The following BIRC6 variants were observed in gnomAD, a reference collection of about 807,000 sequenced individuals.
BIRC6 encodes baculoviral IAP repeat containing 6.
Under a neutral mutation model 503.3 loss-of-function variants are expected in BIRC6, and 98 were observed. The ratio of observed to expected loss-of-function variants is 0.19; its 90% CI spans 0.17 to 0.23. BIRC6 has a LOEUF of 0.23. Ranked by LOEUF, BIRC6 falls within the 10% of genes least tolerant of loss-of-function variation. The pLI, the probability that BIRC6 is intolerant of heterozygous loss-of-function variation, is 1.00. For missense variants in BIRC6, 5,360 were observed against 5,806.0 expected, an observed-to-expected ratio of 0.92 and a Z score of 2.50; for synonymous variants, 2,240 against 2,078.7, an observed-to-expected ratio of 1.08 and a Z score of -2.11.
At chr2:32,595,348 G>A (rs1179461434) in intron 68 of BIRC6, among the ~76,000 whole-genome samples, 1 of 152,094 alleles carries the variant, frequency 6.6e-6, no homozygotes, top group Non-Finnish European at 1.5e-5. Flanking sequence ...TCAATAGAAG[G>A]ACTGTAAGAG....
intron 55 of BIRC6, among the ~76,000 whole-genome samples, chr2:32,517,949 C>T (rs576631830): frequency 6.6e-6 from 1 of 151,732 alleles, no homozygotes; most frequent in Non-Finnish European, 1.5e-5. Flanking sequence ...CTAAAGTTAA[C>T]GGGAGTTCGT....
Position 32,505,200 on chromosome 2 carries a change from T to C in BIRC6, c.9695T>C (p.Leu3232Pro). 1 of 1,558,026 alleles carries C rather than the reference T, an allele frequency of 6.4e-7. No homozygotes were observed. Among genetic ancestry groups the C allele is most frequent in the Non-Finnish European group, 8.7e-7 (1 of 1,147,600 alleles). ...CATATCCAGCCTCATCTTGCATCTC[T>C]TGCAAGTGAGTAATATTTTATAAAG... ...EIHIQPHLAS[L>P]ATCPSSVSVE... is the part of the protein sequence containing the mutation. The change falls in exon 50 of 74, where the codon CTT becomes CCT. Residue 3232 changes from leucine to proline, a missense_variant. Around this residue, in one of 16 missense-constraint regions of BIRC6, gnomAD observed 267 missense variants for 287.6 expected, o/e 0.93. Transcript: ENST00000421745.
In BIRC6 at chr2:32,510,070, T is replaced by C; in HGVS notation, c.10237+76T>C. The stretch of plus-strand genomic sequence containing the variant: ...CAGTTGAACTGTGCGATCTTCGTGC[T>C]TAACTCTGTTTTGGGAATTATTTTT... On this transcript the variant is annotated intron_variant, in intron 52 of 73. Coordinates refer to ENST00000421745, the MANE Select transcript of BIRC6 (RefSeq NM_016252.4). The C allele has an allele frequency of 2.0e-6, 3 of 1,482,596 alleles. 1 individual carries two copies. The South Asian group carries it at 3.7e-5, about 18-fold the overall frequency. 91.8% of individuals were successfully genotyped at this position (1,482,596 alleles called of 1,614,324 possible).
chr2:32,516,863 ATATTT>A (rs2055106789), intron 55 of BIRC6, among the ~76,000 whole-genome samples: 1 of 152,116 alleles, frequency 6.6e-6, no homozygotes, highest in East Asian at 1.9e-4. Context: ...AGACAGTTAA[ATATTT>A]TAATTTGTGT....
At chr2:32,525,689 CAG>C in intron 59 of BIRC6, 61 bp downstream of exon 59, 2 of 1,496,570 alleles carry the variant, frequency 1.3e-6, no homozygotes, top group Non-Finnish European at 1.8e-6. Context: ...CTATGTAAAT[CAG>C]AGGCACAGTC....
At chr2:32,563,755 G>C (rs1298231631) in intron 65 of BIRC6, 2 of 151,930 alleles carry the variant, frequency 1.3e-5, no homozygotes, top group African/African-American at 4.8e-5. Flanking sequence ...AAGTGAATTT[G>C]ATAATTTTTT....
Position 32,469,404 on chromosome 2 carries a change from T to C in BIRC6, c.6137T>C (p.Val2046Ala). 3.1e-6 allele frequency: 5 copies of C among 1,612,984 alleles called. No homozygotes were observed. The highest frequency in any genetic ancestry group is 4.2e-6 in the Non-Finnish European group (5 of 1,179,468). ...SLLHASNGHS[V>A]PAVLQSTFHA... ...TTCTTTCTTGTAATAGGACACTCTGTTCCTGCAGTTTTGCAGAGCACATTT... is the reference window on the plus strand; with the variant it reads ...TTCTTTCTTGTAATAGGACACTCTGCTCCTGCAGTTTTGCAGAGCACATTT... The change falls in exon 30 of 74, where the codon GTT becomes GCT. Residue 2046 changes from valine to alanine, a missense_variant. Around this residue, in one of 16 missense-constraint regions of BIRC6, gnomAD observed 2,299 missense variants for 2,267.2 expected, o/e 1.01. Coordinates refer to ENST00000421745, the MANE Select transcript of BIRC6 (RefSeq NM_016252.4).
chr2:32,598,257 C>T lies in BIRC6; in HGVS notation c.13830+289C>T, dbSNP rs370415287. Among the ~76,000 whole-genome samples the T allele has an allele frequency of 5.3e-5, 8 of 151,126 alleles. No homozygotes were observed. The East Asian group carries it at 1.4e-3, about 26-fold the overall frequency. ...TAATGTTAGTTCAGAGTGTGTGGATCACGCTGCTGTTGAAAAAAACATTTA... is the reference window on the plus strand; with the variant it reads ...TAATGTTAGTTCAGAGTGTGTGGATTACGCTGCTGTTGAAAAAAACATTTA... On this transcript the variant is annotated intron_variant, in intron 69 of 73. Coordinates refer to ENST00000421745, the MANE Select transcript of BIRC6 (RefSeq NM_016252.4).
At chr2:32,535,672 A>G (rs1172785458) in intron 61 of BIRC6, among the ~76,000 whole-genome samples, 3 of 152,200 alleles carry the variant, frequency 2.0e-5, no homozygotes, top group Non-Finnish European at 4.4e-5. Flanking sequence ...TCCATGGTGT[A>G]TATGTCCCAC....
intron 24 of BIRC6, among the ~76,000 whole-genome samples, 160 bp from the exon 25 acceptor site, chr2:32,464,349 C>G (rs2048306879): frequency 1.3e-5 from 2 of 152,190 alleles, no homozygotes; most frequent in Admixed American, 6.5e-5. Context: ...TATAGCAAAG[C>G]AATGATCCAT....
At chr2:32,452,026 CAG>C (rs1558765114) in intron 22 of BIRC6, among the ~76,000 whole-genome samples, 4 of 152,114 alleles carry the variant, frequency 2.6e-5, no homozygotes, top group Non-Finnish European at 5.9e-5. Context: ...CTTAATGTAA[CAG>C]AGTTTGAGAA....
rs183023054 is a variant in BIRC6, at chr2:32,617,623, T to C, written c.14395-102T>C. On this transcript the variant is annotated intron_variant, in intron 73 of 73. Transcript: ENST00000421745. ...TAAGGAGGGGCTCAGTAAATATTTG[T>C]AGGCTTAATGCTTTGGGCTTTGTTG... is the stretch of plus-strand genomic sequence containing the variant. 1,680 of 1,229,574 alleles carry C rather than the reference T, an allele frequency of 1.4e-3. 5 individuals carry two copies. The highest frequency in any genetic ancestry group is 1.3e-3 in the Non-Finnish European group (1,180 of 905,030). 76.2% of individuals were successfully genotyped at this position (1,229,574 alleles called of 1,614,324 possible). A position where few individuals can be genotyped will look rare whatever the true frequency, so the allele number is the denominator to read the frequency against.
chr2:32,371,273 A>G (rs1319147747), intron 1 of BIRC6, among the ~76,000 whole-genome samples: 1 of 150,822 alleles, frequency 6.6e-6, no homozygotes, highest in East Asian at 2.0e-4. Flanking sequence ...GACATACCTT[A>G]TAGGATGTTA....
intron 5 of BIRC6, among the ~76,000 whole-genome samples, chr2:32,393,965 T>C (rs1050546608): frequency 6.0e-4 from 90 of 150,568 alleles, no homozygotes; most frequent in Non-Finnish European, 3.8e-4. Context: ...TATATATATA[T>C]ATATGAATAT....
intron 70 of BIRC6, among the ~76,000 whole-genome samples, chr2:32,600,500 T>C (rs1410856923): frequency 6.6e-6 from 1 of 152,132 alleles, no homozygotes; most frequent in Admixed American, 6.5e-5. Context: ...CTAGAATTAG[T>C]TTTTTGGGTT....
Position 32,515,153 on chromosome 2 carries a change from T to G in BIRC6, c.10732T>G (p.Ser3578Ala), listed in dbSNP as rs1244653761. The G allele has an allele frequency of 6.2e-6, 10 of 1,613,838 alleles. No homozygotes were observed. Among genetic ancestry groups the G allele is most frequent in the Non-Finnish European group, 8.5e-6 (10 of 1,179,894 alleles). The change falls in exon 55 of 74, where the codon TCC becomes GCC. Residue 3578 changes from serine (S) to alanine (A), a missense_variant. By Grantham distance (99) the Ser-to-Ala change is moderately conservative (BLOSUM62 1). Around this residue, in one of 16 missense-constraint regions of BIRC6, gnomAD observed 878 missense variants for 928.9 expected, o/e 0.95. Coordinates refer to ENST00000421745, the MANE Select transcript of BIRC6 (RefSeq NM_016252.4). ...TCCAGTGCAATGTCATCATAGACTG[T>G]CCATGACAGATGATAGCAAAAAGCA... ...PPPVQCHHRL[S>A]MTDDSKKQDL...
intron 3 of BIRC6, among the ~76,000 whole-genome samples, chr2:32,383,783 T>G (rs888700266): frequency 6.6e-6 from 1 of 152,182 alleles, no homozygotes; most frequent in African/African-American, 2.4e-5. Context: ...CCAACCGTCT[T>G]GGCCTCCCAA....
Position 32,510,547 on chromosome 2 carries a change from T to A in BIRC6, c.10259T>A (p.Phe3420Tyr). The A allele has an allele frequency of 2.5e-6, 4 of 1,604,966 alleles. No homozygotes were observed. In the East Asian group the frequency reaches 8.9e-5, roughly 36 times the overall value. The change falls in exon 53 of 74, where the codon TTT becomes TAT. Residue 3420 changes from phenylalanine (F) to tyrosine (Y), a missense_variant. Coordinates refer to ENST00000421745, the MANE Select transcript of BIRC6 (RefSeq NM_016252.4). ...DPTDLNSPLLFGRLNGLSSDS... is the reference protein window; with the variant it reads ...DPTDLNSPLLYGRLNGLSSDS... ...CAAGATTTGAATAGTCCTTTACTTT[T>A]TGGAAGACTAAATGGACTCTCTTCT... is the stretch of plus-strand genomic sequence containing the variant.
In BIRC6 at chr2:32,469,375, T is replaced by G; in HGVS notation, c.6128-20T>G. On this transcript the variant is annotated intron_variant, in intron 29 of 73. Transcript: ENST00000421745. ...AATACATTTAAATAGGAAAGTTTAC[T>G]GTTTTCTTTCTTGTAATAGGACACT... The G allele has an allele frequency of 6.3e-7, 1 of 1,581,936 alleles. No individual in the cohort carries two copies. Among genetic ancestry groups the G allele is most frequent in the Non-Finnish European group, 8.6e-7 (1 of 1,160,652 alleles).
Sources: allele counts gnomAD v4.1 joint callset (sites outside exome capture counted in the v4.1 genomes callset), GRCh38; gene constraint gnomAD v4.1.1; regional missense constraint gnomAD v4.1.1; transcripts MANE v1.5; gene names NCBI Gene and HGNC (gene_info 2026-07-23, HGNC 2026-07-21).